CSMD1: variants seen among roughly 807,000 people sequenced by gnomAD.
The protein encoded by CSMD1 is CUB and Sushi multiple domains 1.
Under a neutral mutation model 417.5 loss-of-function variants are expected in CSMD1, and 213 were observed. The observed-to-expected ratio is 0.51, with a 90% CI of 0.46 to 0.57. The LOEUF (loss-of-function observed/expected upper bound fraction) is 0.57. Among genes scored for constraint, CSMD1 ranks in the 20% least tolerant of loss-of-function variants. The probability of loss-of-function intolerance (pLI) is 0.00; values close to 1 mark genes in which losing one functional copy is unlikely to be tolerated. For synonymous variants in CSMD1, 2,862 were observed against 1,736.8 expected, an observed-to-expected ratio of 1.65 and a Z score of -16.11; for missense variants, 6,923 against 4,529.7, an observed-to-expected ratio of 1.53 and a Z score of -15.17.
chr8:3,518,806 G>A (rs984439785), intron 10 of CSMD1, among the ~76,000 whole-genome samples: 1 of 152,080 alleles, frequency 6.6e-6, no homozygotes, highest in Non-Finnish European at 1.5e-5. Flanking sequence ...TAGACACCAT[G>A]CAAACTTTCT....
At chr8:3,988,031 C>T (rs1354985166) in intron 5 of CSMD1, among the ~76,000 whole-genome samples, 1 of 152,182 alleles carries the variant, frequency 6.6e-6, no homozygotes, top group Non-Finnish European at 1.5e-5. Flanking sequence ...CAACACACAG[C>T]TATTAATAGA....
intron 3 of CSMD1, among the ~76,000 whole-genome samples, chr8:4,100,029 G>C (rs539881606): frequency 2.0e-5 from 3 of 152,224 alleles, no homozygotes; most frequent in South Asian, 2.1e-4. Flanking sequence ...TCCAGAAGAA[G>C]ATATAATGTA....
intron 3 of CSMD1, among the ~76,000 whole-genome samples, chr8:4,201,276 C>T (rs1476169512): frequency 2.0e-5 from 3 of 152,134 alleles, no homozygotes; most frequent in East Asian, 1.9e-4. Flanking sequence ...CAGTGGCTCA[C>T]GCCTGTAATC....
chr8:4,409,361 T>G (rs1271612708), intron 3 of CSMD1, among the ~76,000 whole-genome samples: 1 of 152,192 alleles, frequency 6.6e-6, no homozygotes, highest in Non-Finnish European at 1.5e-5. Context: ...CTCCTCGAAT[T>G]GCCTCAGACT....
At chr8:3,602,910 C>A (rs1279224089) in intron 8 of CSMD1, among the ~76,000 whole-genome samples, 4 of 152,064 alleles carry the variant, frequency 2.6e-5, no homozygotes, top group East Asian at 3.9e-4. Flanking sequence ...AAGTAACAAT[C>A]ACCTATTTTC....
intron 1 of CSMD1, among the ~76,000 whole-genome samples, chr8:4,775,451 G>A (rs1435097961): frequency 2.6e-5 from 4 of 152,128 alleles, no homozygotes; most frequent in Non-Finnish European, 4.4e-5. Context: ...TGTGCTTATT[G>A]ACTTCAATTA....
chr8:4,714,711 T>G (rs185614147), intron 1 of CSMD1, among the ~76,000 whole-genome samples: 13 of 152,300 alleles, frequency 8.5e-5, no homozygotes, highest in African/African-American at 1.4e-4. Context: ...TACTCGAGAA[T>G]ACAAATTTCC....
At chr8:3,970,116 T>C (rs998518030) in intron 5 of CSMD1, among the ~76,000 whole-genome samples, 18 of 152,214 alleles carry the variant, frequency 1.2e-4, no homozygotes, top group African/African-American at 4.3e-4. Flanking sequence ...TGAGAAATCT[T>C]AAAATGCTCA....
chr8:4,192,329 A>C (rs1799078015), intron 3 of CSMD1, among the ~76,000 whole-genome samples: 1 of 152,204 alleles, frequency 6.6e-6, no homozygotes, highest in African/African-American at 2.4e-5. Flanking sequence ...ATCAAGCTTC[A>C]GGAGGAGCTA....
chr8:4,078,208 AT>A (rs903946758), intron 3 of CSMD1, among the ~76,000 whole-genome samples: 8 of 151,054 alleles, frequency 5.3e-5, no homozygotes, highest in East Asian at 1.9e-4. Flanking sequence ...TTTCTACATC[AT>A]TTTTTTCTTT....
chr8:3,767,821 G>C (rs1008412167), intron 5 of CSMD1, among the ~76,000 whole-genome samples: 1 of 152,122 alleles, frequency 6.6e-6, no homozygotes, highest in Admixed American at 6.6e-5. Flanking sequence ...CAGCACTGCA[G>C]CCTTGCGGGT....
At chr8:3,492,340 C>T (rs762098936) in intron 11 of CSMD1, among the ~76,000 whole-genome samples, 2 of 152,098 alleles carry the variant, frequency 1.3e-5, no homozygotes, top group East Asian at 1.9e-4. Context: ...ATGGGTGTCT[C>T]ACATAGGGCA....
intron 3 of CSMD1, among the ~76,000 whole-genome samples, chr8:4,288,744 T>G (rs185280352): frequency 6.6e-6 from 1 of 152,212 alleles, no homozygotes; most frequent in Non-Finnish European, 1.5e-5. Flanking sequence ...ATCTCTCAGA[T>G]GGTCAACCTC....
chr8:4,893,738 T>G (rs922274757), intron 1 of CSMD1, among the ~76,000 whole-genome samples: 1 of 152,154 alleles, frequency 6.6e-6, no homozygotes, highest in South Asian at 2.1e-4. Flanking sequence ...CTGGACTACT[T>G]GCTTTGTTTC....
chr8:3,483,458 C>A (rs1007580301), intron 11 of CSMD1, among the ~76,000 whole-genome samples: 1 of 151,894 alleles, frequency 6.6e-6, no homozygotes, highest in African/African-American at 2.4e-5. Context: ...TCTAAATAGT[C>A]CTTTATTATA....
At chr8:4,401,168 G>T (rs1037994427) in intron 3 of CSMD1, among the ~76,000 whole-genome samples, 2 of 151,960 alleles carry the variant, frequency 1.3e-5, no homozygotes, top group African/African-American at 4.8e-5. Context: ...TCAAAACAGG[G>T]GTTCCATCCA....
At chr8:4,411,137 G>A (rs538015149) in intron 3 of CSMD1, among the ~76,000 whole-genome samples, 1 of 152,182 alleles carries the variant, frequency 6.6e-6, no homozygotes, top group East Asian at 1.9e-4. Context: ...CCATAACCAT[G>A]AGATACATCT....
chr8:3,240,849 A>T (rs1466646534), intron 26 of CSMD1, among the ~76,000 whole-genome samples: 1 of 152,186 alleles, frequency 6.6e-6, no homozygotes, highest in Non-Finnish European at 1.5e-5. Context: ...GTTCTAGAAC[A>T]GGTAAAACGG....
chr8:3,754,000 C>A lies in CSMD1; in HGVS notation c.861G>T (p.Lys287Asn), dbSNP rs369440670. Reference protein sequence around the residue: ...MNLPSPVISSKNWLRLHFTSD... With the variant: ...MNLPSPVISSNNWLRLHFTSD... ...AGGTGAAATGGAGTCGTAGCCAATT[C>A]TTGCTACTGATAACTGGAGAGGGGA... The change falls in exon 6 of 70, where the codon AAG (lysine) becomes AAT (asparagine). Residue 287 changes from lysine (K) to asparagine (N), a missense_variant. Physicochemically the swap from Lys to Asn is moderately conservative, Grantham distance 94. Coordinates refer to ENST00000635120, the MANE Select transcript of CSMD1 (RefSeq NM_033225.6). The A allele has an allele frequency of 1.9e-5, 30 of 1,612,596 alleles. No homozygotes were observed. The highest frequency in any genetic ancestry group is 2.4e-5 in the Non-Finnish European group (28 of 1,179,296).
Sources: allele counts gnomAD v4.1 joint callset (sites outside exome capture counted in the v4.1 genomes callset), GRCh38; gene constraint gnomAD v4.1.1; transcripts MANE v1.5; gene names NCBI Gene and HGNC (gene_info 2026-07-23, HGNC 2026-07-21).